Variants in NPFFR2 observed in about 807,000 individuals in gnomAD.
NPFFR2 encodes G-protein coupled receptor 74.
Under a neutral mutation model 13.1 loss-of-function variants are expected in NPFFR2, and 15 were observed. The ratio of observed to expected loss-of-function variants is 1.15; its 90% CI spans 0.77 to 1.76. NPFFR2 has a LOEUF of 1.76. Among genes scored for constraint, NPFFR2 ranks in the 40% most tolerant of loss-of-function variants. The pLI, the probability that NPFFR2 is intolerant of heterozygous loss-of-function variation, is 0.00. For synonymous variants in NPFFR2, 190 were observed against 175.7 expected, an observed-to-expected ratio of 1.08 and a Z score of -0.65; for missense variants, 572 against 503.5, an observed-to-expected ratio of 1.14 and a Z score of -1.30.
chr4:72,042,824 GA>G (rs1483665964), intron 1 of NPFFR2, among the ~76,000 whole-genome samples: 2 of 152,158 alleles, frequency 1.3e-5, no homozygotes, highest in African/African-American at 2.4e-5. Context: ...TTATGAAGTG[GA>G]AAAGAAAAAT....
intron 1 of NPFFR2, among the ~76,000 whole-genome samples, chr4:72,058,971 T>C (rs2109772614): frequency 6.6e-6 from 1 of 152,228 alleles, no homozygotes; most frequent in South Asian, 2.1e-4. Flanking sequence ...GCCTATCAAG[T>C]GCAGTACTTC....
chr4:72,050,174 T>A (rs144826353), intron 1 of NPFFR2, among the ~76,000 whole-genome samples: 252 of 152,192 alleles, frequency 1.7e-3, no homozygotes, highest in African/African-American at 5.7e-3. Flanking sequence ...TTTTCCATGT[T>A]AGTGAACACA....
intron 1 of NPFFR2, among the ~76,000 whole-genome samples, chr4:72,063,695 T>A (rs1033984008): frequency 6.6e-6 from 1 of 152,180 alleles, no homozygotes; most frequent in Non-Finnish European, 1.5e-5. Context: ...ATTCAGTACC[T>A]GGTGAAGTTT....
intron 1 of NPFFR2, among the ~76,000 whole-genome samples, chr4:72,110,990 C>G (rs778203289): frequency 2.0e-5 from 3 of 151,964 alleles, no homozygotes; most frequent in Non-Finnish European, 4.4e-5. Context: ...CTATTTATCT[C>G]TAGGTCTCTT....
chr4:72,082,350 T>G (rs891607758), intron 1 of NPFFR2, among the ~76,000 whole-genome samples: 3 of 152,212 alleles, frequency 2.0e-5, no homozygotes, highest in Non-Finnish European at 4.4e-5. Flanking sequence ...ATATCCTCTC[T>G]GAGTCTCTCT....
At chr4:72,044,390 A>G (rs1319270347) in intron 1 of NPFFR2, among the ~76,000 whole-genome samples, 1 of 152,140 alleles carries the variant, frequency 6.6e-6, no homozygotes, top group Non-Finnish European at 1.5e-5. Context: ...TGTGAGCAGT[A>G]AGGGTCTAAT....
chr4:72,146,495 G>T (rs1722786172), intron 3 of NPFFR2: 1 of 154,928 alleles, frequency 6.5e-6, no homozygotes, highest in Admixed American at 6.4e-5. Context: ...ATAAAAGGTT[G>T]ATTGATTGCT....
At chr4:72,088,760 G>A (rs1290202619) in intron 1 of NPFFR2, among the ~76,000 whole-genome samples, 1 of 151,970 alleles carries the variant, frequency 6.6e-6, no homozygotes, top group African/African-American at 2.4e-5. Flanking sequence ...CACAAGAACA[G>A]CTTGGGGGAA....
In NPFFR2 at chr4:72,062,540, A is replaced by C. The variant is rs1719949425; in HGVS notation, c.-8+30340A>C. Among the ~76,000 whole-genome samples the C allele has an allele frequency of 2.7e-5, 4 of 147,616 alleles. No individual in the cohort carries two copies. The South Asian group carries it at 6.4e-4, about 24-fold the overall frequency. On this transcript the variant is annotated intron_variant, in intron 1 of 3. Transcript: ENST00000308744. ...TAGATTGTAAAAAAAAAAAAAAAGA[A>C]GTCGTGAGTCTTCATTCTTTCCCGT...
At position 72,147,910 on chromosome 4, in the gene NPFFR2, T is replaced by A; in HGVS notation, c.*98T>A. ...ACTTCAAATTTTTCAAAGAATGTTC[T>A]AAATAAAACATTTACTGAAAGCCCT... On this transcript the variant is annotated 3_prime_UTR_variant, in exon 4 of 4. Coordinates refer to ENST00000308744, the MANE Select transcript of NPFFR2 (RefSeq NM_004885.3). 1.1e-6 allele frequency: 1 copy of A among 936,294 alleles called. No individual in the cohort carries two copies. The highest frequency in any genetic ancestry group is 1.5e-6 in the Non-Finnish European group (1 of 663,448). The allele number at this position is 936,294 out of a possible 1,614,324, so 58.0% of individuals were successfully genotyped here.
At chr4:72,058,361 T>G (rs1453269121) in intron 1 of NPFFR2, among the ~76,000 whole-genome samples, 1 of 151,016 alleles carries the variant, frequency 6.6e-6, no homozygotes, top group Non-Finnish European at 1.5e-5. Context: ...CTGCTGTAAC[T>G]TTTCTCTAGT....
intron 1 of NPFFR2, among the ~76,000 whole-genome samples, chr4:72,054,609 A>T (rs1309286002): frequency 6.6e-6 from 1 of 151,944 alleles, no homozygotes; most frequent in East Asian, 1.9e-4. Context: ...CAAACCATGA[A>T]AGAAATAAAC....
chr4:72,032,569 T>C (rs900034948), intron 1 of NPFFR2, among the ~76,000 whole-genome samples: 88 of 152,336 alleles, frequency 5.8e-4, no homozygotes, highest in African/African-American at 2.1e-3. Flanking sequence ...AAACTGTTTT[T>C]ATCCGTGATG....
intron 1 of NPFFR2, among the ~76,000 whole-genome samples, chr4:72,124,451 C>A (rs1359604875): frequency 6.6e-6 from 1 of 151,982 alleles, no homozygotes; most frequent in Non-Finnish European, 1.5e-5. Flanking sequence ...CAATTCTAAG[C>A]AAAAAGAACA....
intron 1 of NPFFR2, among the ~76,000 whole-genome samples, chr4:72,045,383 A>G (rs565766228): frequency 6.6e-5 from 10 of 152,226 alleles, no homozygotes; most frequent in African/African-American, 1.7e-4. Flanking sequence ...CCATTGATCT[A>G]TGTGTCTATT....
At chr4:72,133,941 A>G (rs976121448) in intron 2 of NPFFR2, among the ~76,000 whole-genome samples, 4 of 151,796 alleles carry the variant, frequency 2.6e-5, no homozygotes, top group African/African-American at 9.7e-5. Context: ...TTTAAATTAC[A>G]TTAATTAGTT....
In NPFFR2 at chr4:72,128,727, G is replaced by T; in HGVS notation, c.136G>T (p.Ala46Ser). Residue 46 changes from alanine to serine, a missense_variant, in exon 2 of 4, where the codon GCA becomes TCA. By Grantham distance (99) the Ala-to-Ser change is moderately conservative. Coordinates refer to ENST00000308744, the MANE Select transcript of NPFFR2 (RefSeq NM_004885.3). The stretch of plus-strand genomic sequence containing the variant: ...CTATCTTCACCAGCCTCAAGTGGCA[G>T]CAATCTTCATTATTTCCTACTTTCT... ...NYYLHQPQVAAIFIISYFLIF... is the reference protein window; with the variant it reads ...NYYLHQPQVASIFIISYFLIF... 6.2e-7 allele frequency: 1 copy of T among 1,614,126 alleles called. No homozygotes were observed. The highest frequency in any genetic ancestry group is 8.5e-7 in the Non-Finnish European group (1 of 1,180,004).
intron 1 of NPFFR2, among the ~76,000 whole-genome samples, chr4:72,059,819 T>G (rs1435827727): frequency 6.6e-6 from 1 of 152,140 alleles, no homozygotes; most frequent in Non-Finnish European, 1.5e-5. Context: ...AGACTCAGGC[T>G]AATGTTCTAT....
At chr4:72,074,762 A>T (rs745806833) in intron 1 of NPFFR2, among the ~76,000 whole-genome samples, 1 of 152,168 alleles carries the variant, frequency 6.6e-6, no homozygotes, top group African/African-American at 2.4e-5. Flanking sequence ...ACATGATCCA[A>T]CTATATGCTG....
Sources: gnomAD v4.1 joint callset for allele counts (sites outside exome capture counted in the v4.1 genomes callset) on GRCh38, gnomAD v4.1.1 for gene constraint, MANE v1.5 for transcripts, NCBI Gene and HGNC (gene_info 2026-07-23, HGNC 2026-07-21) for gene names.